The following NR3C2 variants were observed in gnomAD, a reference collection of about 807,000 sequenced individuals.
NR3C2 encodes the protein mineralocorticoid receptor.
A neutral mutation model predicts 86.4 loss-of-function variants in NR3C2; 15 were observed. The observed-to-expected ratio is 0.17, with a 90% confidence interval of 0.12 to 0.27. The LOEUF is 0.27. Among genes scored for constraint, NR3C2 ranks in the 10% least tolerant of loss-of-function variants. The pLI, the probability that NR3C2 is intolerant of heterozygous loss-of-function variation, is 1.00. For missense variants in NR3C2, 960 were observed against 1,195.6 expected (o/e 0.80, Z 2.91); for synonymous variants, 458 against 450.5 (o/e 1.02, Z -0.21).
chr4:148,363,970 C>G (rs1304725034), intron 2 of NR3C2, among the ~76,000 whole-genome samples: 1 of 152,158 alleles, frequency 6.6e-6, no homozygotes, highest in East Asian at 1.9e-4. Flanking sequence ...TAATTTTACT[C>G]AGTAATTACA....
chr4:148,129,188 G>T (rs1454779253), intron 6 of NR3C2, among the ~76,000 whole-genome samples: 2 of 152,192 alleles, frequency 1.3e-5, no homozygotes, highest in Non-Finnish European at 2.9e-5. Flanking sequence ...ACATTATTGA[G>T]TCTTAAAAAA....
chr4:148,404,797 A>G (rs1748332620), intron 2 of NR3C2, among the ~76,000 whole-genome samples: 1 of 152,216 alleles, frequency 6.6e-6, no homozygotes, highest in Non-Finnish European at 1.5e-5. Context: ...TTTTTAATTT[A>G]CATTCACAAT....
intron 3 of NR3C2, among the ~76,000 whole-genome samples, chr4:148,242,441 C>T (rs929060454): frequency 1.1e-4 from 17 of 152,232 alleles, no homozygotes; most frequent in African/African-American, 3.9e-4. Context: ...TAGGAATATG[C>T]ATACATATAA....
chr4:148,136,553 C>T (rs979092487), intron 6 of NR3C2, among the ~76,000 whole-genome samples: 2 of 152,208 alleles, frequency 1.3e-5, no homozygotes, highest in Non-Finnish European at 2.9e-5. Context: ...TCACTATACC[C>T]ATCCAATTCT....
At chr4:148,266,755 GACATGGGC>G (rs1410630771) in intron 2 of NR3C2, among the ~76,000 whole-genome samples, 1 of 152,180 alleles carries the variant, frequency 6.6e-6, no homozygotes, top group Non-Finnish European at 1.5e-5. Context: ...GGTGACCTTG[GACATGGGC>G]ACACCAGCCA....
chr4:148,162,944 AG>A (rs1274500854), intron 4 of NR3C2, among the ~76,000 whole-genome samples: 1 of 152,246 alleles, frequency 6.6e-6, no homozygotes, highest in Admixed American at 6.5e-5. Context: ...AAAGAAAAAA[AG>A]GTAGAAAAGA....
chr4:148,378,783 C>T (rs1746807331), intron 2 of NR3C2, among the ~76,000 whole-genome samples: 1 of 152,124 alleles, frequency 6.6e-6, no homozygotes, highest in Non-Finnish European at 1.5e-5. Flanking sequence ...TATAAATTGC[C>T]TAGTCTCAGG....
Position 148,311,242 on chromosome 4 carries a change from A to G in NR3C2, c.1758-51125T>C, listed in dbSNP as rs144904520. 3.1e-3 allele frequency among the ~76,000 whole-genome samples: 466 copies of G among 152,204 alleles called. 3 individuals are homozygous for G. Among genetic ancestry groups the G allele is most frequent in the African/African-American group, 0.011 (443 of 41,524 alleles). On this transcript the variant is annotated intron_variant, in intron 2 of 8. Transcript: ENST00000358102. The stretch of plus-strand genomic sequence containing the variant: ...CTCTATTCTTATGACTCTCAAATTA[A>G]TAACTCCAAACCAAACTTCTCCCCA...
chr4:148,399,911 G>C (rs1273606206), intron 2 of NR3C2, among the ~76,000 whole-genome samples: 1 of 152,188 alleles, frequency 6.6e-6, no homozygotes, highest in Non-Finnish European at 1.5e-5. Flanking sequence ...GAATACAGAT[G>C]CAAACCATAA....
At chr4:148,239,628 C>G (rs1180641611) in intron 3 of NR3C2, among the ~76,000 whole-genome samples, 2 of 152,182 alleles carry the variant, frequency 1.3e-5, no homozygotes, top group Non-Finnish European at 2.9e-5. Context: ...CTGGAAGCCA[C>G]CAGGCCACCA....
intron 8 of NR3C2, among the ~76,000 whole-genome samples, chr4:148,103,406 G>A (rs1040746565): frequency 5.3e-5 from 8 of 152,144 alleles, no homozygotes; most frequent in Non-Finnish European, 8.8e-5. Context: ...GCTACCACGT[G>A]TGCCTCCCCT....
intron 2 of NR3C2, among the ~76,000 whole-genome samples, chr4:148,392,008 AT>A (rs1248025571): frequency 1.4e-4 from 21 of 152,030 alleles, no homozygotes; most frequent in Non-Finnish European, 2.9e-4. Context: ...AAGATAGTAA[AT>A]TTTTTTTCAA....
chr4:148,325,088 A>T (rs1743885550), intron 2 of NR3C2, among the ~76,000 whole-genome samples: 1 of 152,060 alleles, frequency 6.6e-6, no homozygotes, highest in South Asian at 2.1e-4. Context: ...GCTATAACTA[A>T]GCAAGGAGCA....
At chr4:148,400,810 G>A (rs918299333) in intron 2 of NR3C2, among the ~76,000 whole-genome samples, 3 of 148,082 alleles carry the variant, frequency 2.0e-5, no homozygotes, top group South Asian at 4.3e-4. Flanking sequence ...AAAAGAGAGA[G>A]ACTGCTTTGG....
At chr4:148,395,133 C>T (rs980367630) in intron 2 of NR3C2, among the ~76,000 whole-genome samples, 4 of 151,700 alleles carry the variant, frequency 2.6e-5, no homozygotes, top group African/African-American at 7.3e-5. Flanking sequence ...TAAATACACA[C>T]GTGTGTGTAT....
Position 148,298,717 on chromosome 4 carries a change from C to T in NR3C2, c.1758-38600G>A, listed in dbSNP as rs537670996. The stretch of plus-strand genomic sequence containing the variant: ...ACTGTTAATTAGCACTTGGGCTGAT[C>T]AGAGTTCAACAAAGCACACAAATTC... On this transcript the variant is annotated intron_variant, in intron 2 of 8. Coordinates refer to ENST00000358102, the MANE Select transcript of NR3C2 (RefSeq NM_000901.5). 9.8e-5 allele frequency among the ~76,000 whole-genome samples: 15 copies of T among 152,326 alleles called. No individual in the cohort carries two copies. In the South Asian group the frequency reaches 1.2e-3, roughly 13 times the overall value.
intron 7 of NR3C2, among the ~76,000 whole-genome samples, chr4:148,116,563 T>A (rs1732282474): frequency 6.6e-6 from 1 of 152,234 alleles, no homozygotes; most frequent in Non-Finnish European, 1.5e-5. Context: ...ATACACTGGA[T>A]ATCAGGTGTG....
chr4:148,085,719 G>C (rs1329774063), intron 8 of NR3C2, among the ~76,000 whole-genome samples: 6 of 151,970 alleles, frequency 3.9e-5, no homozygotes, highest in Non-Finnish European at 7.4e-5. Context: ...TTTTTGAAAA[G>C]ATCAACAAAA....
intron 2 of NR3C2, among the ~76,000 whole-genome samples, chr4:148,275,037 C>T (rs1394171481): frequency 6.6e-6 from 1 of 152,090 alleles, no homozygotes; most frequent in African/African-American, 2.4e-5. Context: ...CGGACTAATA[C>T]AGAGATAAAG....
Sources: allele counts gnomAD v4.1 joint callset (sites outside exome capture counted in the v4.1 genomes callset), GRCh38; gene constraint gnomAD v4.1.1; transcripts MANE v1.5; gene names NCBI Gene and HGNC (gene_info 2026-07-23, HGNC 2026-07-21).